RALYL: variants seen among roughly 807,000 people sequenced by gnomAD.
RALYL encodes the protein RNA-binding Raly-like protein.
RALYL carries 29 observed loss-of-function variants against 35.1 expected under a neutral mutation model. The ratio of observed to expected loss-of-function variants is 0.83; its 90% confidence interval spans 0.61 to 1.13. The LOEUF (loss-of-function observed/expected upper bound fraction) is 1.13, where lower values mean the gene tolerates loss of function less well. Ranked by LOEUF, RALYL falls within the 50% of genes most tolerant of loss-of-function variation. The pLI is 0.00. For synonymous variants in RALYL, 120 were observed against 127.6 expected, an observed-to-expected ratio of 0.94 and a Z score of 0.40; for missense variants, 359 against 360.4, an observed-to-expected ratio of 1.00 and a Z score of 0.03.
intron 2 of RALYL, among the ~76,000 whole-genome samples, chr8:84,699,991 C>A (rs1839909553): frequency 6.6e-6 from 1 of 151,928 alleles, no homozygotes; most frequent in Non-Finnish European, 1.5e-5. Flanking sequence ...TCTTTTGTAA[C>A]CATTAAATAC....
intron 8 of RALYL, among the ~76,000 whole-genome samples, chr8:84,890,025 ATATCTT>A (rs1292463302): frequency 6.6e-6 from 1 of 152,194 alleles, no homozygotes; most frequent in Non-Finnish European, 1.5e-5. Flanking sequence ...AGAAGGGTAA[ATATCTT>A]TATAAACTAT....
At chr8:84,435,015 C>A (rs1346577465) in intron 1 of RALYL, among the ~76,000 whole-genome samples, 1 of 152,132 alleles carries the variant, frequency 6.6e-6, no homozygotes, top group Non-Finnish European at 1.5e-5. Flanking sequence ...AAGAATATGA[C>A]ATGACCTCTT....
At chr8:84,226,242 C>T (rs1823850681) in intron 1 of RALYL, among the ~76,000 whole-genome samples, 1 of 152,144 alleles carries the variant, frequency 6.6e-6, no homozygotes, top group African/African-American at 2.4e-5. Flanking sequence ...TGAGGTGGAA[C>T]AGTTTTATCC....
At chr8:84,677,317 G>C (rs1834417455) in intron 2 of RALYL, among the ~76,000 whole-genome samples, 1 of 152,032 alleles carries the variant, frequency 6.6e-6, no homozygotes, top group South Asian at 2.1e-4. Flanking sequence ...AATGTATTTT[G>C]AATAACATGG....
At chr8:84,607,801 C>T (rs1817477242) in intron 2 of RALYL, among the ~76,000 whole-genome samples, 1 of 151,878 alleles carries the variant, frequency 6.6e-6, no homozygotes, top group African/African-American at 2.4e-5. Context: ...CTCAAACCCT[C>T]TGGGGTCAAG....
intron 4 of RALYL, among the ~76,000 whole-genome samples, chr8:84,841,626 C>T (rs1016627028): frequency 1.3e-5 from 2 of 152,300 alleles, no homozygotes; most frequent in Non-Finnish European, 1.5e-5. Context: ...ACCTAATAGA[C>T]ATCTACAGAA....
intron 3 of RALYL, 119 bp from the exon 4 acceptor site, chr8:84,804,651 G>A (rs933106747): frequency 5.3e-6 from 2 of 374,574 alleles, no homozygotes; most frequent in Non-Finnish European, 9.0e-6. Context: ...TTTTACTGGT[G>A]CTACATTATG....
At chr8:84,293,671 A>G (rs1453378712) in intron 1 of RALYL, among the ~76,000 whole-genome samples, 1 of 152,184 alleles carries the variant, frequency 6.6e-6, no homozygotes, top group Non-Finnish European at 1.5e-5. Flanking sequence ...ACACTAACAA[A>G]TTGAATACTA....
At chr8:84,514,240 A>T (rs942869375) in intron 1 of RALYL, among the ~76,000 whole-genome samples, 5 of 152,256 alleles carry the variant, frequency 3.3e-5, no homozygotes, top group Admixed American at 1.3e-4. Context: ...AAAAGTAATA[A>T]CACAGTAATC....
At chr8:84,661,970 ACTT>A (rs983793768) in intron 2 of RALYL, among the ~76,000 whole-genome samples, 1 of 149,608 alleles carries the variant, frequency 6.7e-6, no homozygotes, top group Admixed American at 6.7e-5. Context: ...GTGGTCCCAT[ACTT>A]CTTATAGTTG....
intron 4 of RALYL, among the ~76,000 whole-genome samples, chr8:84,822,029 T>A (rs1828640990): frequency 6.6e-6 from 1 of 152,160 alleles, no homozygotes; most frequent in South Asian, 2.1e-4. Context: ...TTTTATTCAG[T>A]GTTAGGCAAC....
chr8:84,889,887 A>G (rs1381980671), intron 8 of RALYL, among the ~76,000 whole-genome samples: 1 of 152,054 alleles, frequency 6.6e-6, no homozygotes, highest in Non-Finnish European at 1.5e-5. Context: ...TCACACCCCC[A>G]AAGTTAGTTA....
chr8:84,914,103 T>C (rs1387902017), intron 8 of RALYL, among the ~76,000 whole-genome samples: 1 of 151,992 alleles, frequency 6.6e-6, no homozygotes, highest in East Asian at 1.9e-4. Context: ...CCAAATAACA[T>C]TTTTGTTGGC....
At position 84,873,324 on chromosome 8, in the gene RALYL, C is replaced by T. The variant is rs1432084751; in HGVS notation, c.612C>T (p.Thr204=). ...TACAGACCATCAAGAAAGAATTAAC[C>T]CAGATCAAAACTAAAATTGACTCCT... ...DELQTIKKEL[T]QIKTKIDSLL... is the part of the protein sequence containing the mutation. The change falls in exon 7 of 9, where the codon ACC becomes ACT. Residue 204 remains threonine (T), a synonymous_variant. Transcript: ENST00000521268. 3.7e-6 allele frequency: 6 copies of T among 1,601,092 alleles called. No individual in the cohort carries two copies. The highest frequency in any genetic ancestry group is 5.1e-6 in the Non-Finnish European group (6 of 1,173,550).
chr8:84,262,711 T>C (rs1423131925), intron 1 of RALYL, among the ~76,000 whole-genome samples: 1 of 152,152 alleles, frequency 6.6e-6, no homozygotes, highest in African/African-American at 2.4e-5. Context: ...TGGTGATCTA[T>C]TAATGGGTCA....
At chr8:84,871,294 G>A (rs1840147277) in intron 6 of RALYL, among the ~76,000 whole-genome samples, 1 of 152,072 alleles carries the variant, frequency 6.6e-6, no homozygotes, top group South Asian at 2.1e-4. Flanking sequence ...TCAATAAAGT[G>A]GAGTAGTAGT....
At chr8:84,215,981 C>A (rs1361049287) in intron 1 of RALYL, among the ~76,000 whole-genome samples, 1 of 152,072 alleles carries the variant, frequency 6.6e-6, no homozygotes, top group Non-Finnish European at 1.5e-5. Flanking sequence ...ATATAATATT[C>A]TCAAAATTTA....
At chr8:84,842,392 C>T (rs1198665728) in intron 4 of RALYL, among the ~76,000 whole-genome samples, 12 of 152,180 alleles carry the variant, frequency 7.9e-5, no homozygotes, top group African/African-American at 2.9e-4. Context: ...TTCCTCGACA[C>T]ATACACCCTC....
chr8:84,905,884 A>G (rs1278629215), intron 8 of RALYL, among the ~76,000 whole-genome samples: 1 of 152,032 alleles, frequency 6.6e-6, no homozygotes. Context: ...CCTACAATCT[A>G]TAAGAACACT....
Sources: gnomAD v4.1 joint callset for allele counts (sites outside exome capture counted in the v4.1 genomes callset) on GRCh38, gnomAD v4.1.1 for gene constraint, MANE v1.5 for transcripts, NCBI Gene and HGNC (gene_info 2026-07-23, HGNC 2026-07-21) for gene names.